Variants in RALGAPA2 observed in about 807,000 individuals in gnomAD.
RALGAPA2 encodes the protein ral GTPase-activating protein subunit alpha-2.
In RALGAPA2, 139 loss-of-function variants were observed where a neutral mutation model predicts 230.4. The observed-to-expected ratio is 0.60, with a 90% CI of 0.53 to 0.69. RALGAPA2 has a LOEUF of 0.69. RALGAPA2 is among the 30% of genes least tolerant of loss of function. The pLI is 0.00. For synonymous variants in RALGAPA2, 847 were observed against 837.8 expected, an observed-to-expected ratio of 1.01 and a Z score of -0.19; for missense variants, 2,163 against 2,276.0, an observed-to-expected ratio of 0.95 and a Z score of 1.01.
At chr20:20,517,742 G>C (rs1005646504) in intron 31 of RALGAPA2, among the ~76,000 whole-genome samples, 11 of 150,328 alleles carry the variant, frequency 7.3e-5, no homozygotes, top group African/African-American at 2.7e-4. Context: ...ACCCCTAAAA[G>C]CAGCAAAATC....
chr20:20,615,697 G>C (rs1004898612), intron 13 of RALGAPA2, among the ~76,000 whole-genome samples: 1 of 152,132 alleles, frequency 6.6e-6, no homozygotes, highest in Admixed American at 6.5e-5. Flanking sequence ...AAAATCAGTT[G>C]ACAGCATTTC....
At chr20:20,620,167 T>C (rs6082069) in intron 11 of RALGAPA2, among the ~76,000 whole-genome samples, 12,990 of 152,254 alleles carry the variant, frequency 0.085, 809 homozygotes, top group African/African-American at 0.17. Flanking sequence ...GTCTCACAAA[T>C]AGACATGTAA....
intron 26 of RALGAPA2, among the ~76,000 whole-genome samples, chr20:20,534,656 G>C (rs1236315133): frequency 2.0e-5 from 3 of 151,878 alleles, no homozygotes; most frequent in African/African-American, 7.3e-5. Flanking sequence ...ATTAGACCTA[G>C]GTAGTTTTAC....
intron 37 of RALGAPA2, among the ~76,000 whole-genome samples, chr20:20,441,728 C>T (rs2060745207): frequency 6.6e-6 from 1 of 152,200 alleles, no homozygotes; most frequent in Non-Finnish European, 1.5e-5. Context: ...AACAAAGTTA[C>T]AGAGGTATCC....
At position 20,448,224 on chromosome 20, in the gene RALGAPA2, C is replaced by T. The variant is rs188653294; in HGVS notation, c.5495+24605G>A. 2.3e-3 allele frequency among the ~76,000 whole-genome samples: 353 copies of T among 152,166 alleles called. 1 individual carries two copies. Among genetic ancestry groups the T allele is most frequent in the African/African-American group, 8.1e-3 (335 of 41,526 alleles). Reference sequence around the variant, plus strand: ...AGCTGAATACAACATGAATGTAGAACTCTATCATATTTCAAGACAGAAAGA... The same window carrying T: ...AGCTGAATACAACATGAATGTAGAATTCTATCATATTTCAAGACAGAAAGA... On this transcript the variant is annotated intron_variant, in intron 37 of 39. Coordinates refer to ENST00000202677, the MANE Select transcript of RALGAPA2 (RefSeq NM_020343.4).
At chr20:20,583,025 G>A in intron 20 of RALGAPA2, 25 bp downstream of exon 20, 2 of 1,606,558 alleles carry the variant, frequency 1.2e-6, no homozygotes, top group Non-Finnish European at 8.5e-7. Context: ...TTGCATTAGT[G>A]CCTCTTTTTC....
chr20:20,553,538 A>C (rs1190655182), intron 23 of RALGAPA2, among the ~76,000 whole-genome samples: 1 of 151,734 alleles, frequency 6.6e-6, no homozygotes, highest in Non-Finnish European at 1.5e-5. Context: ...GGCAACAGAG[A>C]GCGAATCTAT....
chr20:20,475,946 G>A (rs2061641006), intron 36 of RALGAPA2, among the ~76,000 whole-genome samples: 2 of 152,094 alleles, frequency 1.3e-5, no homozygotes, highest in Admixed American at 6.5e-5. Flanking sequence ...CTGAATGTTA[G>A]CAACCAACAA....
At chr20:20,446,501 G>A (rs2060867122) in intron 37 of RALGAPA2, among the ~76,000 whole-genome samples, 1 of 152,182 alleles carries the variant, frequency 6.6e-6, no homozygotes, top group African/African-American at 2.4e-5. Context: ...AGGAGGAGAG[G>A]AGAATGATGA....
intron 1 of RALGAPA2, among the ~76,000 whole-genome samples, chr20:20,701,823 C>T (rs1053867135): frequency 2.0e-5 from 3 of 151,964 alleles, no homozygotes; most frequent in East Asian, 1.9e-4. Context: ...GGGTGGATCA[C>T]AAGGTCAGGA....
Position 20,393,149 on chromosome 20 carries a change from A to G in RALGAPA2, c.*140T>C, listed in dbSNP as rs747651936. ...CTAGTACAGCAACGAAATTTCCTGG[A>G]GATTCTGGGTTTAGTGGCTCGGGGC... On this transcript the variant is annotated 3_prime_UTR_variant, in exon 40 of 40. Transcript: ENST00000202677. 1 of 1,360,906 alleles carries G rather than the reference A, an allele frequency of 7.3e-7. No homozygotes were observed. Among genetic ancestry groups the G allele is most frequent in the East Asian group, 4.6e-5 (1 of 21,860 alleles). The allele number at this position is 1,360,906 out of a possible 1,614,324, so 84.3% of individuals were successfully genotyped here.
chr20:20,617,851 AGATAT>A (rs1253645328), intron 12 of RALGAPA2, among the ~76,000 whole-genome samples: 1 of 152,194 alleles, frequency 6.6e-6, no homozygotes, highest in Non-Finnish European at 1.5e-5. Context: ...CTAAGGTATT[AGATAT>A]AAGAACAAAA....
chr20:20,677,392 T>C (rs778918522), intron 2 of RALGAPA2, among the ~76,000 whole-genome samples: 7 of 152,088 alleles, frequency 4.6e-5, no homozygotes, highest in Non-Finnish European at 1.0e-4. Flanking sequence ...GGAGGTGTAT[T>C]CCAGGCAGAG....
chr20:20,546,849 G>GA lies in RALGAPA2; in HGVS notation c.3157-18dup, dbSNP rs767102137. 6 of 1,561,260 alleles carry GA rather than the reference G, an allele frequency of 3.8e-6. No homozygotes were observed. Among genetic ancestry groups the GA allele is most frequent in the Admixed American group, 2.1e-5 (1 of 47,438 alleles). ...TAAGATATCCTAAAAGGGAAGATAA[G>GA]AAAAAACACAATCGTAATGTTCAAA... On this transcript the variant is annotated splice_polypyrimidine_tract_variant and intron_variant, in intron 23 of 39. Transcript: ENST00000202677.
At position 20,674,574 on chromosome 20, in the gene RALGAPA2, C is replaced by T. The variant is rs577400732; in HGVS notation, c.270+1662G>A. On this transcript the variant is annotated intron_variant, in intron 3 of 39. Coordinates refer to ENST00000202677, the MANE Select transcript of RALGAPA2 (RefSeq NM_020343.4). ...AGTATGTCCACTCCTTACTCATAGA[C>T]AATCTGTCTACCAAGAAAACAAAAA... Among the ~76,000 whole-genome samples the T allele has an allele frequency of 3.9e-5, 6 of 152,298 alleles. No homozygotes were observed. In the South Asian group the frequency reaches 6.2e-4, roughly 16 times the overall value.
chr20:20,583,211 C>G lies in RALGAPA2; in HGVS notation c.2546G>C (p.Ser849Thr). Residue 849 changes from serine (S) to threonine (T), a missense_variant, in exon 20 of 40, where the codon AGT (serine) becomes ACT (threonine). By Grantham distance (58) the Ser-to-Thr change is moderately conservative. Transcript: ENST00000202677. ...ATTGGTACAGCCCAGAGTTGTGTCACTGTTGGTACTTTCACCTGGTACAAT... is the reference window on the plus strand; with the variant it reads ...ATTGGTACAGCCCAGAGTTGTGTCAGTGTTGGTACTTTCACCTGGTACAAT... ...RERQKSESTN[S>T]DTTLGCTNEA... 1 of 1,603,338 alleles carries G rather than the reference C, an allele frequency of 6.2e-7. No individual in the cohort carries two copies. Among genetic ancestry groups the G allele is most frequent in the Non-Finnish European group, 8.5e-7 (1 of 1,176,330 alleles).
At position 20,431,741 on chromosome 20, in the gene RALGAPA2, T is replaced by C. The variant is rs535729277; in HGVS notation, c.5496-19593A>G. Among the ~76,000 whole-genome samples the C allele has an allele frequency of 2.6e-5, 4 of 152,326 alleles. No homozygotes were observed. In the South Asian group the frequency reaches 8.3e-4, roughly 32 times the overall value. ...TGTAAGTATGTGAAGTAATAGTTGA[T>C]TAGCCTGATCTAATCAACCTGCAAT... On this transcript the variant is annotated intron_variant, in intron 37 of 39. Transcript: ENST00000202677.
At chr20:20,441,216 T>C (rs1410876770) in intron 37 of RALGAPA2, among the ~76,000 whole-genome samples, 1 of 152,230 alleles carries the variant, frequency 6.6e-6, no homozygotes, top group East Asian at 1.9e-4. Context: ...CTCTCACATA[T>C]TTTGGCATGA....
At chr20:20,490,049 C>G (rs1305284952) in intron 36 of RALGAPA2, among the ~76,000 whole-genome samples, 1 of 152,164 alleles carries the variant, frequency 6.6e-6, no homozygotes, top group Non-Finnish European at 1.5e-5. Context: ...TTCTCAAAAG[C>G]CAAATTGTTG....
Sources: allele counts gnomAD v4.1 joint callset (sites outside exome capture counted in the v4.1 genomes callset), GRCh38; gene constraint gnomAD v4.1.1; transcripts MANE v1.5; gene names NCBI Gene and HGNC (gene_info 2026-07-23, HGNC 2026-07-21).